Variants in CTNS observed in about 807,000 individuals in gnomAD.
CTNS encodes the protein cystinosin, lysosomal cystine transporter.
CTNS carries 27 observed loss-of-function variants against 43.7 expected under a neutral mutation model. That is an observed-to-expected ratio of 0.62 (90% confidence interval 0.46 to 0.85). The LOEUF is 0.85. CTNS is among the 40% of genes least tolerant of loss of function. CTNS has a pLI of 0.00. For synonymous variants in CTNS, 187 were observed against 190.6 expected, an observed-to-expected ratio of 0.98 and a Z score of 0.16; for missense variants, 457 against 475.4, an observed-to-expected ratio of 0.96 and a Z score of 0.36.
At chr17:3,658,532 G>A (rs2076210139) in intron 10 of CTNS, among the ~76,000 whole-genome samples, 1 of 152,228 alleles carries the variant, frequency 6.6e-6, no homozygotes, top group Non-Finnish European at 1.5e-5. Context: ...TGAGGTGGGA[G>A]GAGGGAGCCC....
chr17:3,647,405 T>G, intron 3 of CTNS, 39 bp from the exon 4 acceptor site: 1 of 1,576,250 alleles, frequency 6.3e-7, no homozygotes, highest in East Asian at 2.2e-5. Flanking sequence ...GCCTGAACTC[T>G]GACCCAGTGC....
chr17:3,659,839 G>A lies in CTNS; in HGVS notation c.853-19G>A, dbSNP rs1207047902. The A allele has an allele frequency of 1.3e-6, 2 of 1,593,546 alleles. No homozygotes were observed. Among genetic ancestry groups the A allele is most frequent in the African/African-American group, 2.7e-5 (2 of 74,508 alleles). On this transcript the variant is annotated intron_variant, in intron 10 of 11. Coordinates refer to ENST00000046640, the MANE Select transcript of CTNS (RefSeq NM_004937.3). ...AGCCCTCACCGCCCTCCGTCTGTCT[G>A]TCCGTCTGTCTGGCCCAGGCCTACA...
rs369338216 is a variant in CTNS at position 3,643,269 on chromosome 17, G to A, written c.61+3002G>A. Among the ~76,000 whole-genome samples, 120 of 151,756 alleles carry A rather than the reference G, an allele frequency of 7.9e-4. 1 individual carries two copies. The highest frequency in any genetic ancestry group is 2.8e-3 in the African/African-American group (117 of 41,386). Reference sequence around the variant, plus strand: ...GCAGAGGTTGCAGTGAGTCGAGATCGTGCCACTGCACTCCAGCCTGGGCGA... The same window carrying A: ...GCAGAGGTTGCAGTGAGTCGAGATCATGCCACTGCACTCCAGCCTGGGCGA... On this transcript the variant is annotated intron_variant, in intron 3 of 11. Coordinates refer to ENST00000046640, the MANE Select transcript of CTNS (RefSeq NM_004937.3).
At chr17:3,657,962 G>A (rs1049226782) in intron 9 of CTNS, 43 bp from the exon 10 acceptor site, 2 of 1,601,214 alleles carry the variant, frequency 1.2e-6, no homozygotes, top group Non-Finnish European at 1.7e-6. Flanking sequence ...CCCCGGCGTG[G>A]CCTCTGTGTG....
At chr17:3,641,382 A>AT (rs1284942837) in intron 3 of CTNS, among the ~76,000 whole-genome samples, 746 of 39,942 alleles carry the variant, frequency 0.019, 20 homozygotes, top group Non-Finnish European at 0.022. Context: ...ATATATATAT[A>AT]TATTTTTTTT....
chr17:3,657,657 T>G, intron 9 of CTNS: 1 of 375,722 alleles, frequency 2.7e-6, no homozygotes, highest in Non-Finnish European at 5.0e-6. Context: ...GCCACCAGAG[T>G]TCCGACCCCA....
Position 3,651,973 on chromosome 17 carries a change from C to CAAA in CTNS, c.226-3018_226-3016dup, listed in dbSNP as rs111244009. On this transcript the variant is annotated intron_variant, in intron 5 of 11. Coordinates refer to ENST00000046640, the MANE Select transcript of CTNS (RefSeq NM_004937.3). ...TGGGTGACAGAATGAGACCCTGTCT[C>CAAA]AAAAAAAAAGAAAAGAAAAGAAAAG... Among the ~76,000 whole-genome samples the CAAA allele has an allele frequency of 7.9e-4, 93 of 117,806 alleles. 21 individuals are homozygous for CAAA. Among genetic ancestry groups the CAAA allele is most frequent in the Middle Eastern group, 4.2e-3 (1 of 238 alleles). 77.3% of individuals were successfully genotyped at this position (117,806 alleles called of 152,430 possible). A position where few individuals can be genotyped will look rare whatever the true frequency, so the allele number is the denominator to read the frequency against.
intron 10 of CTNS, among the ~76,000 whole-genome samples, chr17:3,658,972 G>T (rs904943634): frequency 2.0e-5 from 3 of 152,206 alleles, no homozygotes; most frequent in Admixed American, 6.5e-5. Context: ...CGGGAGCTGG[G>T]GGGGGCTTCC....
At chr17:3,642,700 G>A (rs2075750310) in intron 3 of CTNS, among the ~76,000 whole-genome samples, 1 of 151,904 alleles carries the variant, frequency 6.6e-6, no homozygotes, top group African/African-American at 2.4e-5. Context: ...AAAGAAAAAA[G>A]GAAAGAAGAA....
In CTNS at chr17:3,656,729, C is replaced by T. The variant is rs756137690; in HGVS notation, c.615C>T (p.Asp205=). The T allele has an allele frequency of 1.1e-5, 17 of 1,613,580 alleles. No homozygotes were observed. Among genetic ancestry groups the T allele is most frequent in the Non-Finnish European group, 1.2e-5 (14 of 1,179,972 alleles). The change falls in exon 9 of 12, where the codon GAC becomes GAT. Residue 205 remains aspartate (D), a synonymous_variant. Transcript: ENST00000046640. The part of the protein sequence containing the change: ...PNGVNPVNSN[D]VFFSLHAVVL... ...GAGTGAACCCCGTGAACAGCAACGA[C>T]GTCTTCTTCAGCCTGCACGCGGTTG...
intron 3 of CTNS, among the ~76,000 whole-genome samples, 173 bp downstream of exon 3, chr17:3,640,440 A>G (rs2150889363): frequency 6.6e-6 from 1 of 152,386 alleles, no homozygotes; most frequent in Non-Finnish European, 1.5e-5. Context: ...TCTGGGATCC[A>G]GGTGTTCTGC....
chr17:3,659,075 G>A (rs1276256190), intron 10 of CTNS, among the ~76,000 whole-genome samples: 1 of 152,172 alleles, frequency 6.6e-6, no homozygotes, highest in Non-Finnish European at 1.5e-5. Context: ...CCAGGTTGGA[G>A]ACGTTTGGAA....
rs777728521 is a variant in CTNS, at chr17:3,660,597, C to T, written c.*228C>T. The stretch of plus-strand genomic sequence containing the variant: ...GCACGTGGCACCGTCGCCTTGACAC[C>T]GCCATCTCTTTTCTTTAAGGCTTCA... On this transcript the variant is annotated 3_prime_UTR_variant, in exon 12 of 12. Transcript: ENST00000046640. 32 of 1,613,258 alleles carry T rather than the reference C, an allele frequency of 2.0e-5. No individual in the cohort carries two copies. The highest frequency in any genetic ancestry group is 1.3e-4 in the East Asian group (6 of 44,896).
At chr17:3,656,972 T>A (rs1485630108) in intron 9 of CTNS, 177 bp downstream of exon 9, 1 of 972,120 alleles carries the variant, frequency 1.0e-6, no homozygotes, top group Non-Finnish European at 1.5e-6. Context: ...CCCCCAAGTC[T>A]GGGGTGAGGG....
intron 9 of CTNS, 189 bp downstream of exon 9, chr17:3,656,984 C>G: frequency 3.5e-6 from 3 of 859,592 alleles, no homozygotes; most frequent in Non-Finnish European, 5.4e-6. Context: ...GGGTGAGGGA[C>G]TCAGGGAGAG....
chr17:3,646,200 C>T (rs1400155405), intron 3 of CTNS, among the ~76,000 whole-genome samples: 1 of 151,968 alleles, frequency 6.6e-6, no homozygotes, highest in South Asian at 2.1e-4. Flanking sequence ...GAGGCTGGGA[C>T]GGGGCTGCAC....
chr17:3,647,848 G>A (rs2075880818), intron 4 of CTNS, among the ~76,000 whole-genome samples: 1 of 152,214 alleles, frequency 6.6e-6, no homozygotes, highest in Non-Finnish European at 1.5e-5. Flanking sequence ...CTAAGACTAA[G>A]TATTTGAAGA....
In CTNS at chr17:3,640,173, T is replaced by C. The variant is rs766774059; in HGVS notation, c.-19-15T>C. On this transcript the variant is annotated splice_polypyrimidine_tract_variant and intron_variant, in intron 2 of 11. Coordinates refer to ENST00000046640, the MANE Select transcript of CTNS (RefSeq NM_004937.3). ...ACATTCCCCTGAACTTCTCTCTTGCTGTTTTTCTTCCTAGTTCTGAGAAAT... is the reference window on the plus strand; with the variant it reads ...ACATTCCCCTGAACTTCTCTCTTGCCGTTTTTCTTCCTAGTTCTGAGAAAT... The C allele has an allele frequency of 4.6e-5, 74 of 1,601,808 alleles. No individual in the cohort carries two copies. The highest frequency in any genetic ancestry group is 5.9e-5 in the Non-Finnish European group (69 of 1,168,916).
At position 3,660,927 on chromosome 17, in the gene CTNS, C is replaced by T; in HGVS notation, c.*558C>T. ...TCTGTACATAACTCAGCGTCCGTGA[C>T]TGCAGTAACAGCCAGCCCTACCCAG... On this transcript the variant is annotated 3_prime_UTR_variant, in exon 12 of 12. Transcript: ENST00000046640. The T allele has an allele frequency of 1.2e-6, 1 of 802,650 alleles. No individual in the cohort carries two copies. The highest frequency in any genetic ancestry group is 3.6e-4 in the Middle Eastern group (1 of 2,772). The allele number at this position is 802,650 out of a possible 1,614,324, so 49.7% of individuals were successfully genotyped here. A position where few individuals can be genotyped will look rare whatever the true frequency, so the allele number is the denominator to read the frequency against.
Sources: gnomAD v4.1 joint callset for allele counts (sites outside exome capture counted in the v4.1 genomes callset) on GRCh38, gnomAD v4.1.1 for gene constraint, MANE v1.5 for transcripts, NCBI Gene and HGNC (gene_info 2026-07-23, HGNC 2026-07-21) for gene names.